CDK15: variants seen among roughly 807,000 people sequenced by gnomAD.
CDK15 encodes the protein cyclin dependent kinase 15.
CDK15 carries 62 observed loss-of-function variants against 60.3 expected under a neutral mutation model. That is an observed-to-expected ratio of 1.03 (90% CI 0.84 to 1.27). The LOEUF (loss-of-function observed/expected upper bound fraction) is 1.27, where lower values mean the gene tolerates loss of function less well. Among genes scored for constraint, CDK15 ranks in the 50% most tolerant of loss-of-function variants. The probability of loss-of-function intolerance (pLI) is 0.00; values close to 1 mark genes in which losing one functional copy is unlikely to be tolerated. For missense variants in CDK15, 541 were observed against 527.8 expected, an observed-to-expected ratio of 1.03 and a Z score of -0.25; for synonymous variants, 194 against 195.7, an observed-to-expected ratio of 0.99 and a Z score of 0.07.
chr2:201,854,168 C>T (rs1030225550), intron 9 of CDK15, among the ~76,000 whole-genome samples: 5 of 149,108 alleles, frequency 3.4e-5, no homozygotes, highest in Admixed American at 2.0e-4. Context: ...AGCGAGACTC[C>T]GTCTCAAAAA....
At chr2:201,833,716 C>CTTCTTTTT (rs111614334) in intron 6 of CDK15, 132 bp from the exon 7 acceptor site, 1 of 163,936 alleles carries the variant, frequency 6.1e-6, no homozygotes, top group African/African-American at 3.3e-5. Context: ...TCTTCTTCTT[C>CTTCTTTTT]TTTTTTTTTT....
intron 3 of CDK15, among the ~76,000 whole-genome samples, chr2:201,811,107 T>G (rs1695741114): frequency 6.7e-6 from 1 of 150,332 alleles, no homozygotes. Flanking sequence ...CCTCCCAAAG[T>G]GCTAGGATTA....
chr2:201,830,643 A>G (rs1696712670), intron 6 of CDK15, among the ~76,000 whole-genome samples: 1 of 152,214 alleles, frequency 6.6e-6, no homozygotes, highest in South Asian at 2.1e-4. Context: ...CACTAATGTC[A>G]TGGAGTCAAC....
Position 201,895,469 on chromosome 2 carries a change from AATAAATG to A in CDK15, c.*2203_*2209del, listed in dbSNP as rs1455856815. On this transcript the variant is annotated 3_prime_UTR_variant, in exon 14 of 14. Coordinates refer to ENST00000652192, the MANE Select transcript of CDK15 (RefSeq NM_001366386.2). ...AATGGATTTACCTATTCAAAAGCTTAATAAATGTTATAAGACTCTAAAACATTTAAAT... is the reference window on the plus strand; with the variant it reads ...AATGGATTTACCTATTCAAAAGCTTATTATAAGACTCTAAAACATTTAAAT... 1 of 152,252 alleles carries A rather than the reference AATAAATG, an allele frequency of 6.6e-6. No individual in the cohort carries two copies. The highest frequency in any genetic ancestry group is 6.5e-5 in the Admixed American group (1 of 15,290). 9.4% of individuals were successfully genotyped at this position (152,252 alleles called of 1,614,324 possible). A position where few individuals can be genotyped will look rare whatever the true frequency, so the allele number is the denominator to read the frequency against.
At chr2:201,808,500 T>C (rs1695613673) in intron 3 of CDK15, among the ~76,000 whole-genome samples, 1 of 152,360 alleles carries the variant, frequency 6.6e-6, no homozygotes, top group South Asian at 2.1e-4. Context: ...AAATACTGCT[T>C]ATCCAAAAGC....
At chr2:201,836,076 ATATATATT>A (rs1168653640) in intron 8 of CDK15, among the ~76,000 whole-genome samples, 3 of 113,006 alleles carry the variant, frequency 2.7e-5, no homozygotes, top group Middle Eastern at 4.0e-3. Context: ...ATTTATATTT[ATATATATT>A]TATATATTTA....
intron 10 of CDK15, among the ~76,000 whole-genome samples, chr2:201,858,355 T>C (rs1698236038): frequency 7.0e-6 from 1 of 141,850 alleles, no homozygotes; most frequent in African/African-American, 2.5e-5. Context: ...CTCCCTCCCT[T>C]CCTTCCTTCC....
chr2:201,848,433 C>G (rs1697764524), intron 9 of CDK15, among the ~76,000 whole-genome samples: 1 of 152,066 alleles, frequency 6.6e-6, no homozygotes, highest in Non-Finnish European at 1.5e-5. Context: ...AAGTGTACAG[C>G]TTGTCAGCAT....
chr2:201,872,770 T>A (rs1214580508), intron 11 of CDK15, among the ~76,000 whole-genome samples: 1 of 152,112 alleles, frequency 6.6e-6, no homozygotes, highest in East Asian at 1.9e-4. Flanking sequence ...TTTCAACAAA[T>A]CCCTAGTTTC....
chr2:201,829,156 T>C (rs574095307), intron 6 of CDK15, among the ~76,000 whole-genome samples: 1 of 152,338 alleles, frequency 6.6e-6, no homozygotes, highest in Admixed American at 6.5e-5. Context: ...CTGATGACAG[T>C]GTGGTGAATA....
At chr2:201,863,162 A>G (rs1698466577) in intron 10 of CDK15, among the ~76,000 whole-genome samples, 1 of 152,174 alleles carries the variant, frequency 6.6e-6, no homozygotes, top group Non-Finnish European at 1.5e-5. Flanking sequence ...TAATTTAGAT[A>G]CACAGCCACT....
chr2:201,854,141 T>C (rs1698035429), intron 9 of CDK15, among the ~76,000 whole-genome samples: 1 of 151,720 alleles, frequency 6.6e-6, no homozygotes, highest in African/African-American at 2.4e-5. Flanking sequence ...ATCACTGCAC[T>C]CCAGCCTGGG....
At chr2:201,822,453 C>T (rs75815732) in intron 4 of CDK15, among the ~76,000 whole-genome samples, 5,057 of 152,302 alleles carry the variant, frequency 0.033, 86 homozygotes, top group African/African-American at 0.046. Context: ...TCCTCCAAAG[C>T]CCTTTATCTC....
chr2:201,822,836 C>T lies in CDK15; in HGVS notation c.476C>T (p.Ala159Val), dbSNP rs758152470. ...TCTCTCCTGAAGGGTTTGAAACATG[C>T]CAATATTGTGCTCCTGCATGACATA... The part of the protein sequence containing the change: ...EASLLKGLKH[A>V]NIVLLHDIIH... The change falls in exon 5 of 14, where the codon GCC becomes GTC. Residue 159 changes from alanine to valine, a missense_variant. Transcript: ENST00000652192. The T allele has an allele frequency of 3.1e-6, 5 of 1,611,584 alleles. No individual in the cohort carries two copies. Among genetic ancestry groups the T allele is most frequent in the East Asian group, 2.2e-5 (1 of 44,858 alleles).
chr2:201,823,669 C>A lies in CDK15; in HGVS notation c.548C>A (p.Thr183Lys), dbSNP rs761014003. 5.0e-6 allele frequency: 8 copies of A among 1,613,784 alleles called. No individual in the cohort carries two copies. The highest frequency in any genetic ancestry group is 1.6e-4 in the Middle Eastern group (1 of 6,062). The change falls in exon 6 of 14, where the codon ACA (threonine) becomes AAA (lysine). Residue 183 changes from threonine to lysine, a missense_variant. Physicochemically the swap from Thr to Lys is moderately conservative, Grantham distance 78. Coordinates refer to ENST00000652192, the MANE Select transcript of CDK15 (RefSeq NM_001366386.2). The stretch of plus-strand genomic sequence containing the variant: ...TTTCTCCGCTGTTTTATTTAGCACA[C>A]AGACCTGGCCCAGTATATGTCTCAG... Reference protein sequence around the residue: ...TLTFVFEYMHTDLAQYMSQHP... With the variant: ...TLTFVFEYMHKDLAQYMSQHP...
At chr2:201,823,795 T>A in intron 6 of CDK15, 68 bp downstream of exon 6, 1 of 1,351,358 alleles carries the variant, frequency 7.4e-7, no homozygotes. Flanking sequence ...AAACAGACTG[T>A]CTCACAAAGC....
intron 13 of CDK15, among the ~76,000 whole-genome samples, chr2:201,891,963 A>C (rs1363946270): frequency 6.6e-6 from 1 of 151,674 alleles, no homozygotes; most frequent in Non-Finnish European, 1.5e-5. Flanking sequence ...CAACAATATC[A>C]CTCACATGGC....
At chr2:201,881,120 G>T (rs575977365) in intron 12 of CDK15, among the ~76,000 whole-genome samples, 1 of 152,246 alleles carries the variant, frequency 6.6e-6, no homozygotes, top group African/African-American at 2.4e-5. Flanking sequence ...TGGGGACAGG[G>T]TGAGGAGCTA....
chr2:201,861,659 C>T (rs12992713), intron 10 of CDK15: 29,237 of 412,110 alleles, frequency 0.071, 1,166 homozygotes, highest in African/African-American at 0.082. Flanking sequence ...CTCCTGGGTA[C>T]AAGCGGTTCT....
Sources: allele counts gnomAD v4.1 joint callset (sites outside exome capture counted in the v4.1 genomes callset), GRCh38; gene constraint gnomAD v4.1.1; transcripts MANE v1.5; gene names NCBI Gene and HGNC (gene_info 2026-07-23, HGNC 2026-07-21).